Variants in RNF180 observed in about 807,000 individuals in gnomAD.
The protein encoded by RNF180 is ring finger protein 180, also known as E3 ubiquitin-protein ligase RNF180.
RNF180 carries 38 observed loss-of-function variants against 59.2 expected under a neutral mutation model. The ratio of observed to expected loss-of-function variants is 0.64; its 90% CI spans 0.50 to 0.84. The LOEUF (loss-of-function observed/expected upper bound fraction) is 0.84. Ranked by LOEUF, RNF180 falls within the 40% of genes least tolerant of loss-of-function variation. RNF180 has a pLI of 0.00. For missense variants in RNF180, 705 were observed against 700.9 expected, an observed-to-expected ratio of 1.01 and a Z score of -0.07; for synonymous variants, 262 against 240.3, an observed-to-expected ratio of 1.09 and a Z score of -0.84.
chr5:64,214,207 G>A lies in RNF180; in HGVS notation c.881G>A (p.Arg294Lys), dbSNP rs1454736680. 6.2e-7 allele frequency: 1 copy of A among 1,614,050 alleles called. No homozygotes were observed. The highest frequency in any genetic ancestry group is 1.1e-5 in the South Asian group (1 of 91,084). ...SSFDPSMLLQRFSVAPHETQT... is the reference protein window; with the variant it reads ...SSFDPSMLLQKFSVAPHETQT... ...TTTGATCCTAGTATGCTGCTGCAAA[G>A]ATTTTCAGTGGCCCCCCATGAGACC... The change falls in exon 4 of 8, where the codon AGA (arginine) becomes AAA (lysine). Residue 294 changes from arginine (R) to lysine (K), a missense_variant. Coordinates refer to ENST00000389100, the MANE Select transcript of RNF180 (RefSeq NM_001113561.2).
Position 64,213,583 on chromosome 5 carries a change from A to G in RNF180, c.257A>G (p.Asn86Ser), listed in dbSNP as rs1298353342. 2 of 1,613,596 alleles carry G rather than the reference A, an allele frequency of 1.2e-6. No individual in the cohort carries two copies. The highest frequency in any genetic ancestry group is 1.7e-6 in the Non-Finnish European group (2 of 1,179,708). Residue 86 changes from asparagine (N) to serine (S), a missense_variant, in exon 4 of 8, where the codon AAT becomes AGT. Coordinates refer to ENST00000389100, the MANE Select transcript of RNF180 (RefSeq NM_001113561.2). ...QKAQWTVGKL[N>S]CPFCGARLGG... Reference sequence around the variant, plus strand: ...GCCCAGTGGACAGTTGGAAAACTGAATTGTCCTTTCTGTGGGGCCCGTTTA... The same window carrying G: ...GCCCAGTGGACAGTTGGAAAACTGAGTTGTCCTTTCTGTGGGGCCCGTTTA...
chr5:64,301,457 A>G (rs924100486), intron 5 of RNF180, among the ~76,000 whole-genome samples: 1 of 151,714 alleles, frequency 6.6e-6, no homozygotes, highest in African/African-American at 2.4e-5. Flanking sequence ...ATGATTTTAA[A>G]TTTTATTTTA....
At chr5:64,170,788 A>G (rs1006913699) in intron 1 of RNF180, among the ~76,000 whole-genome samples, 2 of 152,120 alleles carry the variant, frequency 1.3e-5, no homozygotes, top group African/African-American at 4.8e-5. Context: ...CCAGGGGTCA[A>G]CACCTTTGAG....
At chr5:64,326,913 G>A (rs572351897) in intron 6 of RNF180, among the ~76,000 whole-genome samples, 2 of 152,086 alleles carry the variant, frequency 1.3e-5, no homozygotes, top group African/African-American at 4.8e-5. Flanking sequence ...AGTAGATTTC[G>A]GCAGTGAAGG....
chr5:64,359,072 G>C (rs1194361109), intron 7 of RNF180, among the ~76,000 whole-genome samples: 3 of 151,102 alleles, frequency 2.0e-5, no homozygotes, highest in Non-Finnish European at 4.4e-5. Flanking sequence ...CTTTGCTATC[G>C]TGAATAATGC....
intron 5 of RNF180, among the ~76,000 whole-genome samples, chr5:64,257,706 G>C (rs932628652): frequency 6.6e-6 from 1 of 152,232 alleles, no homozygotes; most frequent in Admixed American, 6.5e-5. Flanking sequence ...GTATCAGGAT[G>C]ATGCTGGCCT....
intron 7 of RNF180, among the ~76,000 whole-genome samples, chr5:64,349,562 T>C (rs1436245285): frequency 6.6e-6 from 1 of 152,060 alleles, no homozygotes; most frequent in African/African-American, 2.4e-5. Flanking sequence ...GTATATCTCC[T>C]AATATGCTAT....
intron 7 of RNF180, among the ~76,000 whole-genome samples, chr5:64,360,550 C>T (rs1746214081): frequency 6.6e-6 from 1 of 151,722 alleles, no homozygotes; most frequent in South Asian, 2.1e-4. Context: ...GTTGGAAGTT[C>T]TGGCCAGGGC....
At chr5:64,288,137 G>C (rs748141077) in intron 5 of RNF180, among the ~76,000 whole-genome samples, 3 of 152,008 alleles carry the variant, frequency 2.0e-5, no homozygotes, top group East Asian at 1.9e-4. Flanking sequence ...CTGTTCTCCC[G>C]GCACCATTTA....
intron 5 of RNF180, among the ~76,000 whole-genome samples, chr5:64,299,436 TTTAA>T (rs925109518): frequency 1.3e-5 from 2 of 151,996 alleles, no homozygotes; most frequent in Admixed American, 6.6e-5. Flanking sequence ...CTTTTCTGTC[TTTAA>T]TTATTTAATT....
intron 7 of RNF180, among the ~76,000 whole-genome samples, chr5:64,343,705 G>A (rs1390137512): frequency 6.6e-6 from 1 of 151,744 alleles, no homozygotes; most frequent in African/African-American, 2.4e-5. Context: ...CATCTTTAAT[G>A]TGCTCATGGA....
intron 1 of RNF180, among the ~76,000 whole-genome samples, chr5:64,183,259 T>A (rs1750702682): frequency 6.6e-6 from 1 of 152,148 alleles, no homozygotes; most frequent in Admixed American, 6.5e-5. Flanking sequence ...CTCATAGGAA[T>A]GTCTTGATGA....
intron 5 of RNF180, among the ~76,000 whole-genome samples, chr5:64,306,038 A>G (rs1435176430): frequency 6.6e-6 from 1 of 151,696 alleles, no homozygotes; most frequent in Non-Finnish European, 1.5e-5. Flanking sequence ...TAATCCTTAC[A>G]GGGATTAAAA....
At chr5:64,287,845 T>C (rs542726324) in intron 5 of RNF180, among the ~76,000 whole-genome samples, 1 of 152,314 alleles carries the variant, frequency 6.6e-6, no homozygotes, top group South Asian at 2.1e-4. Context: ...TCCCATTCTT[T>C]AGGTTGTCGG....
At position 64,370,987 on chromosome 5, in the gene RNF180, A is replaced by G. The variant is rs1746641822; in HGVS notation, c.*1173A>G. On this transcript the variant is annotated 3_prime_UTR_variant, in exon 8 of 8. Transcript: ENST00000389100. ...CTCTCGTGGCACTAAAAATACTACC[A>G]CTATCCAAAAACATTGGGATCAACT... The G allele has an allele frequency of 6.6e-6, 1 of 151,690 alleles. No homozygotes were observed. The highest frequency in any genetic ancestry group is 6.6e-5 in the Admixed American group (1 of 15,190). The allele number at this position is 151,690 out of a possible 1,614,324, so 9.4% of individuals were successfully genotyped here.
chr5:64,213,416 C>A, intron 3 of RNF180, 142 bp from the exon 4 acceptor site: 1 of 678,164 alleles, frequency 1.5e-6, no homozygotes, highest in Non-Finnish European at 2.5e-6. Context: ...ATTTGCTGTT[C>A]AGTCTACTAA....
In RNF180 at chr5:64,349,223, G is replaced by C. The variant is rs552854439; in HGVS notation, c.1579+18817G>C. Among the ~76,000 whole-genome samples the C allele has an allele frequency of 3.9e-5, 6 of 152,102 alleles. 1 individual carries two copies. The South Asian group carries it at 1.2e-3, about 32-fold the overall frequency. ...AATGTCTGTCACCACCATTCCTTGA[G>C]AAAAACTGAGGTTACAAATAGACAT... On this transcript the variant is annotated intron_variant, in intron 7 of 7. Transcript: ENST00000389100.
intron 7 of RNF180, among the ~76,000 whole-genome samples, chr5:64,335,359 T>A (rs1020381958): frequency 9.9e-5 from 15 of 152,234 alleles, no homozygotes; most frequent in African/African-American, 3.6e-4. Flanking sequence ...GGTGTGTACT[T>A]GCTTAAGAAA....
chr5:64,367,431 AT>A (rs1444129793), intron 7 of RNF180, among the ~76,000 whole-genome samples: 1 of 151,710 alleles, frequency 6.6e-6, no homozygotes, highest in Non-Finnish European at 1.5e-5. Context: ...CAAATCAGAT[AT>A]GATAGAAAGT....
Sources: gnomAD v4.1 joint callset for allele counts (sites outside exome capture counted in the v4.1 genomes callset) on GRCh38, gnomAD v4.1.1 for gene constraint, MANE v1.5 for transcripts, NCBI Gene and HGNC (gene_info 2026-07-23, HGNC 2026-07-21) for gene names.